The following PBK variants were observed in gnomAD, a reference collection of about 807,000 sequenced individuals.
PBK encodes PDZ binding kinase, also known as lymphokine-activated killer T-cell-originated protein kinase.
A neutral mutation model predicts 33.5 loss-of-function variants in PBK; 22 were observed. The ratio of observed to expected loss-of-function variants is 0.66; its 90% confidence interval spans 0.47 to 0.94. The LOEUF (loss-of-function observed/expected upper bound fraction) is 0.94. PBK is among the 40% of genes least tolerant of loss of function. PBK has a pLI of 0.00. For missense variants in PBK, 376 were observed against 383.4 expected, an observed-to-expected ratio of 0.98 and a Z score of 0.16; for synonymous variants, 129 against 123.8, an observed-to-expected ratio of 1.04 and a Z score of -0.28.
chr8:27,819,701 T>C (rs1251777828), intron 6 of PBK, among the ~76,000 whole-genome samples: 2 of 152,174 alleles, frequency 1.3e-5, no homozygotes, highest in Non-Finnish European at 2.9e-5. Flanking sequence ...ATCCTTACAT[T>C]TGTCTGTTTG....
In PBK at chr8:27,811,085, T is replaced by C; in HGVS notation, c.645A>G (p.Lys215=). The change falls in exon 7 of 8, where the codon AAA becomes AAG. Residue 215 remains lysine, a synonymous_variant. Coordinates refer to ENST00000301905, the MANE Select transcript of PBK (RefSeq NM_018492.4). ...TAACACCATTCTCCTCCACAGCTTC[T>C]TTGGGTTTCCATGGCTCTGTGCCAA... ...CYIGTEPWKP[K]EAVEENGVIT... 1.2e-6 allele frequency: 2 copies of C among 1,613,694 alleles called. No homozygotes were observed. Among genetic ancestry groups the C allele is most frequent in the Non-Finnish European group, 1.7e-6 (2 of 1,179,572 alleles).
At chr8:27,822,175 C>G (rs1805941286) in intron 5 of PBK, 144 bp downstream of exon 5, 3 of 613,080 alleles carry the variant, frequency 4.9e-6, no homozygotes, top group Non-Finnish European at 5.7e-6. Flanking sequence ...ATGTAAGCCT[C>G]TATTTTGTTT....
intron 6 of PBK, chr8:27,812,657 A>T (rs1012531217): frequency 8.6e-5 from 13 of 151,972 alleles, no homozygotes; most frequent in Middle Eastern, 3.4e-3. Context: ...AAAAGTGGGC[A>T]AAGGATATGA....
chr8:27,810,913 GTGAAA>G (rs1416055451), intron 7 of PBK, 40 bp downstream of exon 7: 2 of 1,201,646 alleles, frequency 1.7e-6, no homozygotes, highest in Non-Finnish European at 2.5e-6. Flanking sequence ...AATCTTTAGT[GTGAAA>G]TGAAGAGATT....
intron 6 of PBK, among the ~76,000 whole-genome samples, chr8:27,813,841 C>A (rs1335323475): frequency 6.6e-6 from 1 of 152,136 alleles, no homozygotes; most frequent in Admixed American, 6.5e-5. Context: ...TAGTATTAGA[C>A]TGAATTGGCT....
intron 2 of PBK, among the ~76,000 whole-genome samples, chr8:27,828,541 G>T (rs958622525): frequency 1.3e-5 from 2 of 151,948 alleles, no homozygotes; most frequent in Admixed American, 6.6e-5. Context: ...GGGGCAGGAG[G>T]GTCACTTGAG....
intron 1 of PBK, among the ~76,000 whole-genome samples, chr8:27,834,975 G>A (rs145017591): frequency 3.3e-5 from 5 of 150,730 alleles, no homozygotes; most frequent in Non-Finnish European, 5.9e-5. Flanking sequence ...TTACTTCTTC[G>A]TAACATATTT....
chr8:27,831,909 A>G (rs1806138863), intron 2 of PBK, among the ~76,000 whole-genome samples: 1 of 152,194 alleles, frequency 6.6e-6, no homozygotes. Context: ...AGATAGCTTT[A>G]CTAGTGAATT....
chr8:27,822,189 G>T, intron 5 of PBK, 130 bp downstream of exon 5: 1 of 668,960 alleles, frequency 1.5e-6, no homozygotes, highest in Non-Finnish European at 2.5e-6. Context: ...TTTGTTTTCC[G>T]CTAACCCCTT....
intron 6 of PBK, among the ~76,000 whole-genome samples, chr8:27,819,757 TTA>T (rs1411352442): frequency 3.3e-5 from 5 of 152,160 alleles, no homozygotes; most frequent in Admixed American, 3.3e-4. Flanking sequence ...CTCATTTTTA[TTA>T]TGTTTGACAA....
intron 2 of PBK, among the ~76,000 whole-genome samples, chr8:27,828,814 C>T (rs896378423): frequency 7.0e-6 from 1 of 143,814 alleles, no homozygotes; most frequent in African/African-American, 2.5e-5. Context: ...AAATAATTAA[C>T]TACTCCTGGA....
In PBK at chr8:27,822,386, G is replaced by C. The variant is rs1805945205; in HGVS notation, c.398C>G (p.Ala133Gly). Residue 133 changes from alanine to glycine, a missense_variant, in exon 5 of 8, where the codon GCC becomes GGC. Physicochemically the swap from Ala to Gly is moderately conservative, Grantham distance 60 (BLOSUM62 0). Transcript: ENST00000301905. ...GGCTGCTGGAAAAGGATCTTGGCTG[G>C]CTTTATATCGTTCTTCTATTAAGTC... is the stretch of plus-strand genomic sequence containing the variant. Reference protein sequence around the residue: ...LNDLIEERYKASQDPFPAAII... With the variant: ...LNDLIEERYKGSQDPFPAAII... The C allele has an allele frequency of 6.2e-7, 1 of 1,613,182 alleles. No homozygotes were observed. Among genetic ancestry groups the C allele is most frequent in the Non-Finnish European group, 8.5e-7 (1 of 1,179,538 alleles).
chr8:27,823,384 T>G (rs1373597860), intron 3 of PBK, among the ~76,000 whole-genome samples, 179 bp from the exon 4 acceptor site: 1 of 152,062 alleles, frequency 6.6e-6, no homozygotes, highest in Non-Finnish European at 1.5e-5. Flanking sequence ...AGGTAAGATC[T>G]AATATACTAA....
rs76209742 is a variant in PBK, at chr8:27,815,484, C to T, written c.596-4350G>A. 2.6e-3 allele frequency among the ~76,000 whole-genome samples: 397 copies of T among 152,292 alleles called. 7 individuals are homozygous for T. Among genetic ancestry groups the T allele is most frequent in the African/African-American group, 9.1e-3 (378 of 41,568 alleles). Reference sequence around the variant, plus strand: ...AGCTCCTTAAAGGTTTTCCCCTATACTGTACCTTATATATTAGAGGTACTT... The same window carrying T: ...AGCTCCTTAAAGGTTTTCCCCTATATTGTACCTTATATATTAGAGGTACTT... On this transcript the variant is annotated intron_variant, in intron 6 of 7. Transcript: ENST00000301905.
intron 3 of PBK, among the ~76,000 whole-genome samples, chr8:27,826,745 G>A (rs1360834904): frequency 1.9e-5 from 2 of 105,260 alleles, no homozygotes; most frequent in African/African-American, 4.5e-5. Context: ...GCAGTGAGCC[G>A]AGATCGCGCC....
At chr8:27,830,205 G>GAAAAA (rs35191143) in intron 2 of PBK, among the ~76,000 whole-genome samples, 17 of 92,944 alleles carry the variant, frequency 1.8e-4, no homozygotes, top group East Asian at 8.6e-4. Context: ...TCTGTCTCAA[G>GAAAAA]AAAAAAAAAA....
In PBK at chr8:27,811,136, T is replaced by C. The variant is rs1358563281; in HGVS notation, c.596-2A>G. 5 of 1,613,694 alleles carry C rather than the reference T, an allele frequency of 3.1e-6. No homozygotes were observed. The highest frequency in any genetic ancestry group is 4.2e-6 in the Non-Finnish European group (5 of 1,179,752). ...TGTAACAAGCCTCAGGGTCAGTCAC[T>C]GAAACAAGCAAGATGGTTATGAAGG... On this transcript the variant is annotated splice_acceptor_variant, in intron 6 of 7. Coordinates refer to ENST00000301905, the MANE Select transcript of PBK (RefSeq NM_018492.4). LOFTEE classifies it high-confidence loss of function.
intron 2 of PBK, among the ~76,000 whole-genome samples, chr8:27,832,390 A>G (rs1806147343): frequency 1.3e-5 from 2 of 152,064 alleles, no homozygotes; most frequent in Admixed American, 1.3e-4. Flanking sequence ...TCAAAAACAT[A>G]CTGGAGCCAG....
chr8:27,819,202 GATTA>G (rs1563490514), intron 6 of PBK, among the ~76,000 whole-genome samples: 1 of 152,106 alleles, frequency 6.6e-6, no homozygotes, highest in Admixed American at 6.5e-5. Flanking sequence ...AGGAACTTCA[GATTA>G]ATTCTGACAT....
Sources: allele counts gnomAD v4.1 joint callset (sites outside exome capture counted in the v4.1 genomes callset), GRCh38; gene constraint gnomAD v4.1.1; transcripts MANE v1.5; gene names NCBI Gene and HGNC (gene_info 2026-07-23, HGNC 2026-07-21).